Variants in ZCCHC14 observed in about 807,000 individuals in gnomAD.
ZCCHC14 encodes zinc finger CCHC-type containing 14.
A neutral mutation model predicts 85.0 loss-of-function variants in ZCCHC14; 16 were observed. The ratio of observed to expected loss-of-function variants is 0.19; its 90% confidence interval spans 0.13 to 0.29. The LOEUF is 0.29. Among genes scored for constraint, ZCCHC14 ranks in the 10% least tolerant of loss-of-function variants. ZCCHC14 has a pLI of 1.00. For missense variants in ZCCHC14, 1,303 were observed against 1,443.5 expected, an observed-to-expected ratio of 0.90 and a Z score of 1.58; for synonymous variants, 775 against 630.7, an observed-to-expected ratio of 1.23 and a Z score of -3.43.
chr16:87,473,336 G>C (rs1485281322), intron 1 of ZCCHC14: 1 of 152,194 alleles, frequency 6.6e-6, no homozygotes, highest in Admixed American at 6.5e-5. Context: ...CTGAGTAGCT[G>C]GGATAACAGG....
chr16:87,413,387 T>C (rs1263559439), intron 10 of ZCCHC14, among the ~76,000 whole-genome samples, 192 bp from the exon 11 acceptor site: 1 of 152,040 alleles, frequency 6.6e-6, no homozygotes, highest in African/African-American at 2.4e-5. Flanking sequence ...GCAGCGATGC[T>C]CAACACCCGC....
At chr16:87,447,037 A>G (rs1020743367) in intron 2 of ZCCHC14, among the ~76,000 whole-genome samples, 4 of 152,178 alleles carry the variant, frequency 2.6e-5, no homozygotes, top group Non-Finnish European at 5.9e-5. Flanking sequence ...CAAATACCAC[A>G]TGAGAATTTT....
At position 87,412,892 on chromosome 16, in the gene ZCCHC14, G is replaced by A. The variant is rs372915656; in HGVS notation, c.1829C>T (p.Thr610Met). The stretch of plus-strand genomic sequence containing the variant: ...ATTCTGCACAGGGAGAACCTGGGCC[G>A]TGGGTCTGGCGGAACTGGAAGTGAA... ...NHFTSSSARP[T>M]AQVLPVQNEA... The change falls in exon 12 of 13, where the codon ACG becomes ATG. Residue 610 changes from threonine (T) to methionine (M), a missense_variant. Physicochemically the swap from Thr to Met is moderately conservative, Grantham distance 81 (BLOSUM62 -1). This residue lies in a region of ZCCHC14 where 797 missense variants were observed against 730.8 expected (regional missense o/e 1.09). Transcript: ENST00000671377. The A allele has an allele frequency of 2.6e-5, 42 of 1,603,130 alleles. No homozygotes were observed. The highest frequency in any genetic ancestry group is 4.5e-5 in the East Asian group (2 of 44,786).
intron 9 of ZCCHC14, among the ~76,000 whole-genome samples, chr16:87,414,810 G>A (rs1047985892): frequency 1.3e-5 from 2 of 152,276 alleles, no homozygotes; most frequent in East Asian, 3.8e-4. Context: ...GCCAGGCGCG[G>A]TGGCTCAGGC....
chr16:87,451,298 G>T (rs893608834), intron 2 of ZCCHC14, among the ~76,000 whole-genome samples: 4 of 151,428 alleles, frequency 2.6e-5, no homozygotes, highest in Non-Finnish European at 5.9e-5. Context: ...CCGGGTTCAA[G>T]CAACTCTCCT....
At chr16:87,438,898 G>C (rs1597419793) in intron 2 of ZCCHC14, among the ~76,000 whole-genome samples, 1 of 152,352 alleles carries the variant, frequency 6.6e-6, no homozygotes, top group African/African-American at 2.4e-5. Context: ...CAGAGGTGAA[G>C]TGTCCTGCCT....
chr16:87,449,501 G>A (rs760969628), intron 2 of ZCCHC14, among the ~76,000 whole-genome samples: 5 of 151,914 alleles, frequency 3.3e-5, no homozygotes, highest in East Asian at 3.9e-4. Flanking sequence ...GACAGACCCC[G>A]ACCAATTCAG....
chr16:87,475,636 T>C (rs75319854), intron 1 of ZCCHC14, among the ~76,000 whole-genome samples: 2,511 of 151,266 alleles, frequency 0.017, 25 homozygotes, highest in Middle Eastern at 0.048. Context: ...GGACGAGCTT[T>C]AACAGCAGAC....
chr16:87,442,199 G>C (rs1332039816), intron 2 of ZCCHC14, among the ~76,000 whole-genome samples: 3 of 152,152 alleles, frequency 2.0e-5, no homozygotes, highest in Admixed American at 2.0e-4. Context: ...TCTGAGGCTG[G>C]ACGGCAAGCA....
intron 2 of ZCCHC14, among the ~76,000 whole-genome samples, chr16:87,436,726 A>C (rs1909941926): frequency 1.3e-5 from 2 of 151,702 alleles, no homozygotes; most frequent in South Asian, 4.1e-4. Flanking sequence ...AGAACTTAAA[A>C]GAAAAAAAGA....
At chr16:87,462,032 C>G (rs1030333551) in intron 1 of ZCCHC14, among the ~76,000 whole-genome samples, 2 of 151,494 alleles carry the variant, frequency 1.3e-5, no homozygotes, top group Admixed American at 6.6e-5. Flanking sequence ...CTTTGGGAGG[C>G]TGAGGCAGGA....
At chr16:87,431,986 C>T (rs546121456) in intron 3 of ZCCHC14, among the ~76,000 whole-genome samples, 6 of 152,318 alleles carry the variant, frequency 3.9e-5, no homozygotes, top group South Asian at 2.1e-4. Flanking sequence ...AAATGAAAAA[C>T]GCACAGCGTA....
chr16:87,431,596 T>C (rs1378695606), intron 3 of ZCCHC14, among the ~76,000 whole-genome samples: 2 of 151,412 alleles, frequency 1.3e-5, no homozygotes, highest in Non-Finnish European at 2.9e-5. Flanking sequence ...TCACCACAAA[T>C]AACTGGACTA....
intron 1 of ZCCHC14, among the ~76,000 whole-genome samples, chr16:87,465,260 G>T (rs934654657): frequency 6.6e-6 from 1 of 152,216 alleles, no homozygotes; most frequent in South Asian, 2.1e-4. Context: ...TTTGCACTTC[G>T]AACTGGGCCT....
intron 1 of ZCCHC14, among the ~76,000 whole-genome samples, chr16:87,484,122 G>A (rs1280768968): frequency 1.3e-5 from 2 of 152,212 alleles, no homozygotes; most frequent in Non-Finnish European, 2.9e-5. Flanking sequence ...GTTCTACGAG[G>A]AAGTGTGCTA....
In ZCCHC14 at chr16:87,420,714, T is replaced by C. The variant is rs771895026; in HGVS notation, c.843A>G (p.Leu281=). The change falls in exon 5 of 13, where the codon CTA becomes CTG. Residue 281 remains leucine (L), a splice_region_variant and synonymous_variant. Transcript: ENST00000671377. This position sits in a 1 kb window ranked among gnomAD's most constrained non-coding sequence, Gnocchi z 5.0. ...AGTTCTCTTCAGGATAGAGCTGACA[T>C]AGCTGGAAGAGAGGACAAGGTAGAG... ...SSEVTEFISK[L]CQLYPEENLE... is the part of the protein sequence containing the mutation. 15 of 1,611,118 alleles carry C rather than the reference T, an allele frequency of 9.3e-6. No homozygotes were observed. In the East Asian group the frequency reaches 2.5e-4, roughly 26 times the overall value.
chr16:87,421,808 G>A (rs1909112526), intron 4 of ZCCHC14, among the ~76,000 whole-genome samples: 3 of 152,126 alleles, frequency 2.0e-5, no homozygotes. Flanking sequence ...ATGGCCTCCA[G>A]GACCCCACTA....
At chr16:87,452,851 G>C (rs1910771506) in intron 2 of ZCCHC14, among the ~76,000 whole-genome samples, 1 of 152,242 alleles carries the variant, frequency 6.6e-6, no homozygotes, top group Non-Finnish European at 1.5e-5. Context: ...GCAGCTGAAA[G>C]AAACAGCGAA....
chr16:87,445,071 T>A (rs1229457578), intron 2 of ZCCHC14, among the ~76,000 whole-genome samples: 3 of 17,560 alleles, frequency 1.7e-4, no homozygotes, highest in African/African-American at 2.2e-4. Context: ...CAAAATAAAC[T>A]TTTTTTTTTT....
Sources: gnomAD v4.1 joint callset for allele counts (sites outside exome capture counted in the v4.1 genomes callset) on GRCh38, gnomAD v4.1.1 for gene constraint, gnomAD v4.1.1 regional missense constraint, Gnocchi (gnomAD v3.1) non-coding constraint, MANE v1.5 for transcripts, NCBI Gene and HGNC (gene_info 2026-07-23, HGNC 2026-07-21) for gene names.